KCNJ4: variants seen among roughly 807,000 people sequenced by gnomAD.
KCNJ4 encodes the protein potassium inwardly rectifying channel subfamily J member 4.
Under a neutral mutation model 25.6 loss-of-function variants are expected in KCNJ4, and 3 were observed. The observed-to-expected ratio is 0.12, with a 90% CI of 0.05 to 0.30. The LOEUF (loss-of-function observed/expected upper bound fraction) is 0.30, where lower values mean the gene tolerates loss of function less well. Among genes scored for constraint, KCNJ4 ranks in the 10% least tolerant of loss-of-function variants. The pLI is 1.00. For missense variants in KCNJ4, 286 were observed against 666.8 expected, an observed-to-expected ratio of 0.43 and a Z score of 6.29; for synonymous variants, 257 against 283.9, an observed-to-expected ratio of 0.91 and a Z score of 0.95.
chr22:38,446,526 G>A (rs1481273199), intron 1 of KCNJ4, among the ~76,000 whole-genome samples: 1 of 152,220 alleles, frequency 6.6e-6, no homozygotes, highest in East Asian at 1.9e-4. Flanking sequence ...CCAAGGCAGT[G>A]GCTGGTGATG....
chr22:38,426,853 C>T lies in KCNJ4; in HGVS notation c.1280G>A (p.Arg427His), dbSNP rs368801840. ...GTCCAGCGGGAGGGAAGCCTGCATG[C>T]GCTCCAGGTCCAGGTGGCTGCCGAA... ...LEFGSHLDLE[R>H]MQASLPLDNI... Residue 427 changes from arginine to histidine, a missense_variant, in exon 2 of 2, where the codon CGC (arginine) becomes CAC (histidine). Arg to His is a conservative substitution (Grantham distance 29). Around this residue, in one of 11 missense-constraint regions of KCNJ4, gnomAD observed 77 missense variants for 97.6 expected, o/e 0.79. Coordinates refer to ENST00000303592, the MANE Select transcript of KCNJ4 (RefSeq NM_152868.3). 7.4e-6 allele frequency: 12 copies of T among 1,613,456 alleles called. No individual in the cohort carries two copies. The highest frequency in any genetic ancestry group is 1.1e-5 in the South Asian group (1 of 91,068).
At chr22:38,448,772 G>A in intron 1 of KCNJ4, among the ~76,000 whole-genome samples, 1 of 152,210 alleles carries the variant, frequency 6.6e-6, no homozygotes, top group East Asian at 1.9e-4. Context: ...TCCCAGGAGA[G>A]GAAATGGAGA....
chr22:38,435,759 G>A (rs1815378629), intron 1 of KCNJ4, among the ~76,000 whole-genome samples: 1 of 152,020 alleles, frequency 6.6e-6, no homozygotes. Context: ...CCCTTGTGGA[G>A]CACAGAGTCT....
intron 1 of KCNJ4, among the ~76,000 whole-genome samples, chr22:38,431,279 G>C (rs1329208789): frequency 1.3e-5 from 2 of 152,178 alleles, no homozygotes; most frequent in Non-Finnish European, 2.9e-5. Context: ...AGGGGCCTTG[G>C]GGGTAAGGGA....
At chr22:38,442,183 C>G (rs188127973) in intron 1 of KCNJ4, among the ~76,000 whole-genome samples, 53 of 152,222 alleles carry the variant, frequency 3.5e-4, no homozygotes, top group Admixed American at 2.9e-3. Context: ...GAATGTATTA[C>G]CTGTGGGAAA....
At chr22:38,432,650 C>G (rs996936594) in intron 1 of KCNJ4, among the ~76,000 whole-genome samples, 1 of 152,150 alleles carries the variant, frequency 6.6e-6, no homozygotes, top group South Asian at 2.1e-4. Flanking sequence ...GTGCAGGCCA[C>G]TAGCCCATGG....
At chr22:38,453,626 C>T (rs1453854861) in intron 1 of KCNJ4, among the ~76,000 whole-genome samples, 4 of 152,124 alleles carry the variant, frequency 2.6e-5, no homozygotes, top group South Asian at 2.1e-4. Context: ...GCCCAGGGCC[C>T]GCCTTGGAGG....
intron 1 of KCNJ4, among the ~76,000 whole-genome samples, chr22:38,452,777 T>C (rs1208052167): frequency 1.4e-5 from 2 of 147,282 alleles, no homozygotes; most frequent in African/African-American, 5.1e-5. Context: ...CCCCCATCTC[T>C]TCCCCAGCTA....
rs148658070 is a variant in KCNJ4, at chr22:38,433,839, T to C, written c.-39-5668A>G. On this transcript the variant is annotated intron_variant, in intron 1 of 1. Transcript: ENST00000303592. The stretch of plus-strand genomic sequence containing the variant: ...GGGAGGGGCTGGAGACTCTGCCTCC[T>C]GGGGGTCCAGAGGAGGCAGGAAGAC... Among the ~76,000 whole-genome samples the C allele has an allele frequency of 7.1e-3, 1,075 of 152,272 alleles. 14 individuals carry two copies. The highest frequency in any genetic ancestry group is 0.025 in the African/African-American group (1,033 of 41,560).
In KCNJ4 at chr22:38,427,242, C is replaced by T. The variant is rs375855119; in HGVS notation, c.891G>A (p.Thr297=). ...VVILEGMVEA[T]AMTTQARSSY... is the part of the protein sequence containing the mutation. ...AGCTGCGGGCCTGGGTGGTCATGGCCGTGGCCTCCACCATGCCCTCCAGGA... is the reference window on the plus strand; with the variant it reads ...AGCTGCGGGCCTGGGTGGTCATGGCTGTGGCCTCCACCATGCCCTCCAGGA... Residue 297 remains threonine, a synonymous_variant, in exon 2 of 2, where the codon ACG becomes ACA. Transcript: ENST00000303592. The T allele has an allele frequency of 7.4e-6, 12 of 1,613,428 alleles. No homozygotes were observed. The highest frequency in any genetic ancestry group is 5.3e-5 in the African/African-American group (4 of 74,904).
At chr22:38,430,201 C>T (rs1463061486) in intron 1 of KCNJ4, among the ~76,000 whole-genome samples, 2 of 152,224 alleles carry the variant, frequency 1.3e-5, no homozygotes, top group Non-Finnish European at 2.9e-5. Flanking sequence ...CCTCAGTTTC[C>T]TCATCTTGAA....
intron 1 of KCNJ4, among the ~76,000 whole-genome samples, chr22:38,429,015 T>A (rs1263108149): frequency 7.0e-6 from 1 of 142,036 alleles, no homozygotes; most frequent in African/African-American, 2.7e-5. Flanking sequence ...GCCCAGGGGG[T>A]CAAGGCTGCA....
chr22:38,441,419 G>A (rs1332148805), intron 1 of KCNJ4, among the ~76,000 whole-genome samples: 3 of 152,126 alleles, frequency 2.0e-5, no homozygotes, highest in African/African-American at 4.8e-5. Flanking sequence ...CCTCATCCCC[G>A]CACTCCAGCA....
intron 1 of KCNJ4, among the ~76,000 whole-genome samples, chr22:38,437,171 T>G (rs1482846961): frequency 6.6e-6 from 1 of 152,158 alleles, no homozygotes; most frequent in Non-Finnish European, 1.5e-5. Flanking sequence ...TCCCAACCAC[T>G]TGGCCAGCGA....
intron 1 of KCNJ4, among the ~76,000 whole-genome samples, chr22:38,445,870 C>T (rs1423028762): frequency 6.6e-6 from 1 of 152,140 alleles, no homozygotes; most frequent in Non-Finnish European, 1.5e-5. Context: ...TGTCTTGAAG[C>T]TGTGACGGGC....
At chr22:38,442,144 T>G (rs998571888) in intron 1 of KCNJ4, among the ~76,000 whole-genome samples, 1 of 152,098 alleles carries the variant, frequency 6.6e-6, no homozygotes, top group African/African-American at 2.4e-5. Flanking sequence ...GTATTCCCGT[T>G]TGTGTCTTTT....
chr22:38,436,024 A>C (rs968750889), intron 1 of KCNJ4, among the ~76,000 whole-genome samples: 3 of 152,080 alleles, frequency 2.0e-5, no homozygotes, highest in Non-Finnish European at 4.4e-5. Context: ...CCTCCTCTTC[A>C]TGAGTCTCAG....
At chr22:38,436,917 G>A (rs1243410048) in intron 1 of KCNJ4, among the ~76,000 whole-genome samples, 3 of 152,170 alleles carry the variant, frequency 2.0e-5, no homozygotes, top group Admixed American at 6.5e-5. Flanking sequence ...GTCCTGCCTC[G>A]AAGAAATACT....
At chr22:38,447,557 G>A (rs2089383238) in intron 1 of KCNJ4, among the ~76,000 whole-genome samples, 1 of 152,162 alleles carries the variant, frequency 6.6e-6, no homozygotes. Context: ...GGCTTCTCAG[G>A]CCTATGAGGA....
Sources: gnomAD v4.1 joint callset for allele counts (sites outside exome capture counted in the v4.1 genomes callset) on GRCh38, gnomAD v4.1.1 for gene constraint, gnomAD v4.1.1 regional missense constraint, MANE v1.5 for transcripts, NCBI Gene and HGNC (gene_info 2026-07-23, HGNC 2026-07-21) for gene names.